The following CNIH3 variants were observed in gnomAD, a reference collection of about 807,000 sequenced individuals.
CNIH3 encodes cornichon family AMPA receptor auxiliary protein 3, also known as protein cornichon homolog 3.
In CNIH3, 14 loss-of-function variants were observed where a neutral mutation model predicts 24.1. The ratio of observed to expected loss-of-function variants is 0.58; its 90% CI spans 0.38 to 0.91. The LOEUF (loss-of-function observed/expected upper bound fraction) is 0.91. CNIH3 is among the 40% of genes least tolerant of loss of function. The pLI, the probability that CNIH3 is intolerant of heterozygous loss-of-function variation, is 0.00. For synonymous variants in CNIH3, 68 were observed against 73.8 expected, an observed-to-expected ratio of 0.92 and a Z score of 0.40; for missense variants, 178 against 196.8, an observed-to-expected ratio of 0.90 and a Z score of 0.57.
At chr1:224,508,325 C>A (rs1030384904) in intron 1 of CNIH3, among the ~76,000 whole-genome samples, 1 of 152,156 alleles carries the variant, frequency 6.6e-6, no homozygotes, top group African/African-American at 2.4e-5. Flanking sequence ...GTTGTAAATT[C>A]TTCTGGCATT....
intron 3 of CNIH3, among the ~76,000 whole-genome samples, chr1:224,557,937 A>G (rs748959498): frequency 4.6e-5 from 7 of 152,228 alleles, no homozygotes; most frequent in Non-Finnish European, 1.0e-4. Context: ...CATTTTACAG[A>G]TAAAGGAAAA....
intron 1 of CNIH3, among the ~76,000 whole-genome samples, chr1:224,474,809 C>T (rs1676506054): frequency 6.6e-6 from 1 of 151,744 alleles, no homozygotes; most frequent in South Asian, 2.1e-4. Flanking sequence ...GGGCAGATCA[C>T]AAGGTCAGGA....
chr1:224,680,035 C>T (rs1558286134), intron 1 of CNIH3, among the ~76,000 whole-genome samples: 1 of 152,106 alleles, frequency 6.6e-6, no homozygotes, highest in Non-Finnish European at 1.5e-5. Context: ...TCTAGAATTC[C>T]TGACTTCAGG....
intron 1 of CNIH3, among the ~76,000 whole-genome samples, chr1:224,509,758 C>G (rs770085142): frequency 6.6e-6 from 1 of 152,240 alleles, no homozygotes; most frequent in Admixed American, 6.5e-5. Flanking sequence ...TGCTCAGTCT[C>G]TGGCACCTCT....
intron 1 of CNIH3, among the ~76,000 whole-genome samples, chr1:224,630,852 C>G (rs1003390004): frequency 6.6e-6 from 1 of 152,136 alleles, no homozygotes; most frequent in East Asian, 1.9e-4. Context: ...GGTATGCTGT[C>G]TGGCCAGAAT....
intron 3 of CNIH3, among the ~76,000 whole-genome samples, chr1:224,700,329 T>C (rs898332345): frequency 6.6e-6 from 1 of 152,212 alleles, no homozygotes; most frequent in African/African-American, 2.4e-5. Flanking sequence ...TCCAAATACT[T>C]ACTGTCCCAT....
chr1:224,439,068 C>G (rs1018265292), intron 1 of CNIH3, among the ~76,000 whole-genome samples: 1 of 152,160 alleles, frequency 6.6e-6, no homozygotes, highest in Non-Finnish European at 1.5e-5. Flanking sequence ...TAGCTCTGGG[C>G]AGACGACTCT....
At chr1:224,627,431 G>T (rs2125073214) in intron 1 of CNIH3, among the ~76,000 whole-genome samples, 1 of 152,288 alleles carries the variant, frequency 6.6e-6, no homozygotes, top group South Asian at 2.1e-4. Context: ...TCACCATGTT[G>T]TTCAGGCTGG....
At chr1:224,675,213 T>C (rs1194856004) in intron 1 of CNIH3, among the ~76,000 whole-genome samples, 1 of 152,234 alleles carries the variant, frequency 6.6e-6, no homozygotes. Context: ...TCTGCAGATT[T>C]GACAACTTCG....
At chr1:224,646,173 C>T (rs1210619734) in intron 1 of CNIH3, among the ~76,000 whole-genome samples, 1 of 145,484 alleles carries the variant, frequency 6.9e-6, no homozygotes, top group Non-Finnish European at 1.5e-5. Context: ...AATTCAAGGT[C>T]ACGTTTGATT....
At chr1:224,640,836 C>G (rs149373601) in intron 1 of CNIH3, among the ~76,000 whole-genome samples, 3 of 151,882 alleles carry the variant, frequency 2.0e-5, no homozygotes, top group South Asian at 4.2e-4. Context: ...GCTGAGTGGT[C>G]GTTAAGGGGC....
At chr1:224,709,634 G>A (rs1189186881) in intron 3 of CNIH3, among the ~76,000 whole-genome samples, 1 of 152,214 alleles carries the variant, frequency 6.6e-6, no homozygotes, top group Non-Finnish European at 1.5e-5. Context: ...GAGGATGCCT[G>A]CAGTTTAAGG....
chr1:224,632,060 CAA>C, intron 1 of CNIH3, among the ~76,000 whole-genome samples: 1 of 152,230 alleles, frequency 6.6e-6, no homozygotes, highest in Non-Finnish European at 1.5e-5. Context: ...CCCCGGCATG[CAA>C]AGAGTAGGAG....
chr1:224,736,966 C>T (rs1477851624), intron 5 of CNIH3, among the ~76,000 whole-genome samples: 1 of 152,170 alleles, frequency 6.6e-6, no homozygotes, highest in Non-Finnish European at 1.5e-5. Flanking sequence ...ACTTCCCCTT[C>T]TGCAGAGTCA....
chr1:224,566,501 C>T (rs1680588328), intron 4 of CNIH3, among the ~76,000 whole-genome samples: 1 of 152,070 alleles, frequency 6.6e-6, no homozygotes, highest in Non-Finnish European at 1.5e-5. Flanking sequence ...AGGTATTTCT[C>T]CTAATGCTAT....
intron 1 of CNIH3, among the ~76,000 whole-genome samples, chr1:224,463,767 GTCC>G (rs1435975941): frequency 3.5e-5 from 3 of 85,162 alleles, no homozygotes; most frequent in African/African-American, 1.7e-4. Context: ...CTTATGAATT[GTCC>G]TCATTTTTTT....
chr1:224,588,449 A>G (rs1053743211), exon 6 of CNIH3: 1 of 152,314 alleles, frequency 6.6e-6, no homozygotes, highest in Middle Eastern at 3.4e-3. Context: ...CAGGGGCTCC[A>G]ATGATGATGT....
At chr1:224,534,517 T>C (rs942962027) in intron 2 of CNIH3, among the ~76,000 whole-genome samples, 7 of 152,186 alleles carry the variant, frequency 4.6e-5, no homozygotes, top group Non-Finnish European at 1.0e-4. Context: ...CTATAAAAAA[T>C]GACTGTTAAA....
chr1:224,657,072 G>A (rs1572670208), intron 1 of CNIH3, among the ~76,000 whole-genome samples: 1 of 152,110 alleles, frequency 6.6e-6, no homozygotes. Flanking sequence ...TTTCGGTCTC[G>A]ATATGCCAGA....
Sources: allele counts gnomAD v4.1 joint callset (sites outside exome capture counted in the v4.1 genomes callset), GRCh38; gene constraint gnomAD v4.1.1; transcripts MANE v1.5; gene names NCBI Gene and HGNC (gene_info 2026-07-23, HGNC 2026-07-21).